The following SNX32 variants were observed in gnomAD, a reference collection of about 807,000 sequenced individuals.
The protein encoded by SNX32 is sorting nexin 32.
A neutral mutation model predicts 57.0 loss-of-function variants in SNX32; 58 were observed. That is an observed-to-expected ratio of 1.02 (90% CI 0.82 to 1.27). The LOEUF is 1.27. Among genes scored for constraint, SNX32 ranks in the 50% most tolerant of loss-of-function variants. SNX32 has a pLI of 0.00. For missense variants in SNX32, 589 were observed against 541.2 expected (o/e 1.09, Z -0.88); for synonymous variants, 262 against 220.4 (o/e 1.19, Z -1.67).
At chr11:65,835,035 G>A (rs937722562) in intron 1 of SNX32, among the ~76,000 whole-genome samples, 1 of 150,402 alleles carries the variant, frequency 6.6e-6, no homozygotes, top group Non-Finnish European at 1.5e-5. Context: ...GTGTGTGTCT[G>A]TGTATCTGTG....
chr11:65,846,672 G>T (rs756570230), intron 1 of SNX32, among the ~76,000 whole-genome samples: 5 of 151,828 alleles, frequency 3.3e-5, no homozygotes, highest in African/African-American at 1.2e-4. Flanking sequence ...GCAAGAAGGA[G>T]CCTTCCGGAG....
At chr11:65,834,687 C>G (rs576863656) in intron 1 of SNX32, among the ~76,000 whole-genome samples, 1 of 146,236 alleles carries the variant, frequency 6.8e-6, no homozygotes, top group African/African-American at 2.6e-5. Flanking sequence ...CACGCATGTG[C>G]CTGTGTGTGT....
chr11:65,839,231 T>TTTTTTTTTTGTTTTTTG (rs1555032650), intron 1 of SNX32, among the ~76,000 whole-genome samples: 1 of 17,640 alleles, frequency 5.7e-5, no homozygotes. Context: ...TTGTATTTTT[T>TTTTTTTTTTGTTTTTTG]TTTTTTTTTT....
At chr11:65,835,346 G>C (rs1040306911) in intron 1 of SNX32, among the ~76,000 whole-genome samples, 1 of 143,658 alleles carries the variant, frequency 7.0e-6, no homozygotes, top group African/African-American at 2.6e-5. Context: ...GGGGTGGGAG[G>C]TGAGGGCGGG....
chr11:65,839,980 A>G (rs955181432), intron 1 of SNX32, among the ~76,000 whole-genome samples: 2 of 151,610 alleles, frequency 1.3e-5, no homozygotes, highest in Admixed American at 1.3e-4. Context: ...ACATGGAGAA[A>G]CCCCGTCTCT....
At chr11:65,837,895 C>T (rs895658607) in intron 1 of SNX32, among the ~76,000 whole-genome samples, 1 of 150,936 alleles carries the variant, frequency 6.6e-6, no homozygotes, top group Non-Finnish European at 1.5e-5. Flanking sequence ...GTGGCTCACG[C>T]CTGTAATGCC....
chr11:65,852,728 C>T lies in SNX32; in HGVS notation c.1011C>T (p.Ala337=), dbSNP rs776436853. 6.9e-6 allele frequency: 11 copies of T among 1,604,852 alleles called. No individual in the cohort carries two copies. Among genetic ancestry groups the T allele is most frequent in the Middle Eastern group, 1.7e-4 (1 of 6,050 alleles). ...CCAGGAACCGGGAGGTGCGGCCCGC[C>T]GAGAGCCACCAGCAGCTGTGCTGCC... The part of the protein sequence containing the change: ...ARTRNREVRP[A]ESHQQLCCQR... The change falls in exon 11 of 13, where the codon GCC becomes GCT. Residue 337 remains alanine, a synonymous_variant. Coordinates refer to ENST00000308342, the MANE Select transcript of SNX32 (RefSeq NM_152760.3).
chr11:65,852,926 G>GAGCT lies in SNX32; in HGVS notation c.1127_1130dup (p.Glu379GlyfsTer29). 1 of 1,614,138 alleles carries GAGCT rather than the reference G, an allele frequency of 6.2e-7. No homozygotes were observed. Among genetic ancestry groups the GAGCT allele is most frequent in the Non-Finnish European group, 8.5e-7 (1 of 1,180,002 alleles). On this transcript the variant is annotated frameshift_variant, in exon 12 of 13. Transcript: ENST00000308342. LOFTEE classifies it high-confidence loss of function. ...CTCCTCTTTTCGAAAGAATCTCATT[G>GAGCT]AGCTGGCAGAGCTGGAGCTCAAACA...
Position 65,851,418 on chromosome 11 carries a change from C to CT in SNX32, c.785+15_785+16insT, listed in dbSNP as rs1565254533. On this transcript the variant is annotated intron_variant, in intron 8 of 12. Transcript: ENST00000308342. ...CAGCTAAGGACGTGAGGACTCCCCC[C>CT]ACCCCTACCCTCTCCCTGTGCCTGT... 1.2e-6 allele frequency: 2 copies of CT among 1,613,364 alleles called. No homozygotes were observed. The highest frequency in any genetic ancestry group is 2.2e-5 in the South Asian group (2 of 91,058).
Position 65,850,765 on chromosome 11 carries a change from G to A in SNX32, c.513G>A (p.Gly171=), listed in dbSNP as rs117016392. ...LEYGQDLSVR[G]KNRKELLGGF... ...GTGTGCCTCAGCTGAGTGTCCGGGG[G>A]AAGAACAGGAAGGAGCTCCTCGGAG... is the stretch of plus-strand genomic sequence containing the variant. Residue 171 remains glycine, a synonymous_variant, in exon 6 of 13, where the codon GGG becomes GGA. Transcript: ENST00000308342. 0.019 allele frequency: 29,875 copies of A among 1,614,016 alleles called. 342 individuals are homozygous for A. The highest frequency in any genetic ancestry group is 0.022 in the Non-Finnish European group (26,014 of 1,179,896).
At chr11:65,846,927 G>A (rs1387443781) in intron 1 of SNX32, among the ~76,000 whole-genome samples, 1 of 151,914 alleles carries the variant, frequency 6.6e-6, no homozygotes, top group Non-Finnish European at 1.5e-5. Context: ...AGGTTGTGGT[G>A]GGCTGAGATT....
intron 1 of SNX32, among the ~76,000 whole-genome samples, chr11:65,848,010 A>G (rs554688370): frequency 1.1e-4 from 16 of 152,164 alleles, no homozygotes; most frequent in Admixed American, 3.3e-4. Flanking sequence ...GGAGGAGGGG[A>G]CAGATGCAGG....
rs1858584794 is a variant in SNX32 at position 65,834,187 on chromosome 11, GTC to G, written c.36+88_36+89del. On this transcript the variant is annotated intron_variant, in intron 1 of 12. Transcript: ENST00000308342. ...CCCAATCATGCGGTGGTGTGTGTGT[GTC>G]TGTGTGTGTGTGGTCTGCCTCTGTG... The G allele has an allele frequency of 2.4e-5, 10 of 413,706 alleles. No individual in the cohort carries two copies. In the East Asian group the frequency reaches 2.7e-4, roughly 11 times the overall value. 25.6% of individuals were successfully genotyped at this position (413,706 alleles called of 1,614,324 possible). A position where few individuals can be genotyped will look rare whatever the true frequency, so the allele number is the denominator to read the frequency against.
Position 65,849,519 on chromosome 11 carries a change from A to G in SNX32, c.78A>G (p.Leu26=), listed in dbSNP as rs1235229180. The G allele has an allele frequency of 6.2e-7, 1 of 1,614,030 alleles. No individual in the cohort carries two copies. Among genetic ancestry groups the G allele is most frequent in the African/African-American group, 1.3e-5 (1 of 75,070 alleles). ...TGGATCTGCAGGGAGACAGCTCCTTACAGGTGGAGATTTCTGACGCAGTGA... is the reference window on the plus strand; with the variant it reads ...TGGATCTGCAGGGAGACAGCTCCTTGCAGGTGGAGATTTCTGACGCAGTGA... ...ASVDLQGDSS[L]QVEISDAVSE... is the part of the protein sequence containing the mutation. Residue 26 remains leucine, a synonymous_variant, in exon 2 of 13, where the codon TTA becomes TTG. Coordinates refer to ENST00000308342, the MANE Select transcript of SNX32 (RefSeq NM_152760.3).
At chr11:65,852,371 C>T (rs1322163578) in intron 9 of SNX32, 94 bp from the exon 10 acceptor site, 1 of 1,126,900 alleles carries the variant, frequency 8.9e-7, no homozygotes, top group East Asian at 2.3e-5. Flanking sequence ...TTACCTAAGG[C>T]TTCTTTGCTG....
chr11:65,834,351 G>A (rs1254596185), intron 1 of SNX32, among the ~76,000 whole-genome samples: 1 of 151,446 alleles, frequency 6.6e-6, no homozygotes, highest in Non-Finnish European at 1.5e-5. Flanking sequence ...CTGTGTGTCT[G>A]TGTGTCTGTG....
intron 1 of SNX32, among the ~76,000 whole-genome samples, chr11:65,840,411 A>C (rs1218266418): frequency 6.6e-6 from 1 of 152,152 alleles, no homozygotes; most frequent in Non-Finnish European, 1.5e-5. Context: ...GGTCTTGGCA[A>C]GTATAATAAG....
rs1168882508 is a variant in SNX32, at chr11:65,839,225, A to ATTTTTTTTTTTTTTTTTTTTTTTT, written c.36+5146_36+5147insTTTTTTTTTTTTTTTTTTTTTTTT. Among the ~76,000 whole-genome samples, 140 of 27,626 alleles carry ATTTTTTTTTTTTTTTTTTTTTTTT rather than the reference A, an allele frequency of 5.1e-3. 38 individuals carry two copies. The highest frequency in any genetic ancestry group is 6.7e-3 in the Admixed American group (9 of 1,352). 18.1% of individuals were successfully genotyped at this position (27,626 alleles called of 152,430 possible). On this transcript the variant is annotated intron_variant, in intron 1 of 12. Transcript: ENST00000308342. ...CACCACGCCCAGCTAATTTTTTTGTATTTTTTTTTTTTTTTTTTTTTTGAG... is the reference window on the plus strand; with the variant it reads ...CACCACGCCCAGCTAATTTTTTTGTATTTTTTTTTTTTTTTTTTTTTTTTTTTTTTTTTTTTTTTTTTTTTTGAG...
chr11:65,853,071 G>A lies in SNX32; in HGVS notation c.1158+113G>A, dbSNP rs189679311. 1,157 of 1,300,550 alleles carry A rather than the reference G, an allele frequency of 8.9e-4. 3 individuals are homozygous for A. Among genetic ancestry groups the A allele is most frequent in the East Asian group, 2.0e-3 (85 of 43,256 alleles). The allele number at this position is 1,300,550 out of a possible 1,614,324, so 80.6% of individuals were successfully genotyped here. Reference sequence around the variant, plus strand: ...TGAGGGTGTGCACGCATGTATGCGCGTGTGTGTGCATGAGAGGAGCCCCAG... The same window carrying A: ...TGAGGGTGTGCACGCATGTATGCGCATGTGTGTGCATGAGAGGAGCCCCAG... On this transcript the variant is annotated intron_variant, in intron 12 of 12. Coordinates refer to ENST00000308342, the MANE Select transcript of SNX32 (RefSeq NM_152760.3).
Sources: allele counts gnomAD v4.1 joint callset (sites outside exome capture counted in the v4.1 genomes callset), GRCh38; gene constraint gnomAD v4.1.1; transcripts MANE v1.5; gene names NCBI Gene and HGNC (gene_info 2026-07-23, HGNC 2026-07-21).